The following SPNS2 variants were observed in gnomAD, a reference collection of about 807,000 sequenced individuals.
The protein encoded by SPNS2 is SPNS lysolipid transporter 2, sphingosine-1-phosphate.
Under a neutral mutation model 57.6 loss-of-function variants are expected in SPNS2, and 37 were observed. The observed-to-expected ratio is 0.64, with a 90% CI of 0.49 to 0.85. The LOEUF is 0.85. SPNS2 is among the 40% of genes least tolerant of loss of function. SPNS2 has a pLI of 0.00. For missense variants in SPNS2, 831 were observed against 779.1 expected (o/e 1.07, Z -0.79); for synonymous variants, 440 against 346.9 (o/e 1.27, Z -2.98).
intron 9 of SPNS2, among the ~76,000 whole-genome samples, chr17:4,535,136 C>T (rs1008297065): frequency 6.6e-6 from 1 of 152,198 alleles, no homozygotes; most frequent in Non-Finnish European, 1.5e-5. Context: ...GCTGCCTGGG[C>T]ACCCACAGAG....
chr17:4,537,923 G>C lies in SPNS2; in HGVS notation c.*475G>C, dbSNP rs147050638. 1 of 396,594 alleles carries C rather than the reference G, an allele frequency of 2.5e-6. No homozygotes were observed. Among genetic ancestry groups the C allele is most frequent in the African/African-American group, 2.1e-5 (1 of 48,264 alleles). The allele number at this position is 396,594 out of a possible 1,614,324, so 24.6% of individuals were successfully genotyped here. A position where few individuals can be genotyped will look rare whatever the true frequency, so the allele number is the denominator to read the frequency against. ...GAGCAGGTGGCCCAGGCCTCAGGGC[G>C]GCAGTCCCGGCTTTGAGGCTCACGC... is the stretch of plus-strand genomic sequence containing the variant. On this transcript the variant is annotated 3_prime_UTR_variant, in exon 13 of 13. Coordinates refer to ENST00000329078, the MANE Select transcript of SPNS2 (RefSeq NM_001124758.3).
At chr17:4,532,315 A>C (rs1328836284) in intron 5 of SPNS2, among the ~76,000 whole-genome samples, 6 of 148,474 alleles carry the variant, frequency 4.0e-5, no homozygotes, top group Admixed American at 3.3e-4. Flanking sequence ...GCACCTTCCC[A>C]CCTCTGGTCC....
At chr17:4,532,816 C>A (rs921182264) in intron 6 of SPNS2, 132 bp downstream of exon 6, 2 of 1,445,684 alleles carry the variant, frequency 1.4e-6, no homozygotes, top group Admixed American at 2.1e-5. Context: ...CTGGGAGGGA[C>A]ATTTTGGCCC....
chr17:4,521,812 T>C (rs1233731837), intron 2 of SPNS2, among the ~76,000 whole-genome samples: 2 of 152,356 alleles, frequency 1.3e-5, no homozygotes, highest in Non-Finnish European at 2.9e-5. Flanking sequence ...CACTGGACAA[T>C]GGCGTGTCCC....
intron 10 of SPNS2, 24 bp from the exon 11 acceptor site, chr17:4,536,239 A>G (rs1905790675): frequency 6.2e-7 from 1 of 1,609,648 alleles, no homozygotes. Context: ...CTCTGCCCTG[A>G]CATCCACCCC....
At position 4,499,705 on chromosome 17, in the gene SPNS2, GTCC is replaced by G. The variant is rs1904407865; in HGVS notation, c.370+294_370+296del. 1.0e-5 allele frequency: 3 copies of G among 298,546 alleles called. No individual in the cohort carries two copies. The highest frequency in any genetic ancestry group is 1.9e-5 in the Non-Finnish European group (3 of 161,588). 18.5% of individuals were successfully genotyped at this position (298,546 alleles called of 1,614,324 possible). Reference sequence around the variant, plus strand: ...TCCAGCCCTTGACGGCCCATCCGTTGTCCTCCTCTCCAAGAGTCTCCTCTGCGT... The same window carrying G: ...TCCAGCCCTTGACGGCCCATCCGTTGTCCTCTCCAAGAGTCTCCTCTGCGT... On this transcript the variant is annotated intron_variant, in intron 1 of 12. Transcript: ENST00000329078. This position sits in a 1 kb window ranked among gnomAD's most constrained non-coding sequence, Gnocchi z 5.2.
In SPNS2 at chr17:4,536,678, C is replaced by A. The variant is rs1905830044; in HGVS notation, c.1608-222C>A. The A allele has an allele frequency of 9.3e-6, 6 of 642,662 alleles. No individual in the cohort carries two copies. In the South Asian group the frequency reaches 9.6e-5, roughly 10 times the overall value. 39.8% of individuals were successfully genotyped at this position (642,662 alleles called of 1,614,324 possible). On this transcript the variant is annotated intron_variant, in intron 11 of 12. Transcript: ENST00000329078. ...GACTTAGTGGTTTTCAAAGCTGGGGCCCCTCCCCTTCCTCTTACTTTCTGA... is the reference window on the plus strand; with the variant it reads ...GACTTAGTGGTTTTCAAAGCTGGGGACCCTCCCCTTCCTCTTACTTTCTGA...
At chr17:4,533,937 G>A (rs1177254141) in intron 9 of SPNS2, 84 bp downstream of exon 9, 2 of 1,151,428 alleles carry the variant, frequency 1.7e-6, no homozygotes, top group African/African-American at 1.5e-5. Context: ...GGCGGGTGAA[G>A]GGGCGGGAGA....
At chr17:4,503,389 C>A (rs749740) in intron 1 of SPNS2, among the ~76,000 whole-genome samples, 1 of 152,216 alleles carries the variant, frequency 6.6e-6, no homozygotes. Context: ...GCCACCCACT[C>A]TGCATTCTGA....
chr17:4,530,716 G>C lies in SPNS2; in HGVS notation c.658G>C (p.Asp220His), dbSNP rs1414423921. ...YSTIAPTIIG[D>H]LFTKNTRTLM... Reference sequence around the variant, plus strand: ...CACCATCGCCCCCACTATCATTGGCGACCTCTTCACCAAGAACACGCGTAC... The same window carrying C: ...CACCATCGCCCCCACTATCATTGGCCACCTCTTCACCAAGAACACGCGTAC... Residue 220 changes from aspartate (D) to histidine (H), a missense_variant, in exon 4 of 13, where the codon GAC (aspartate) becomes CAC (histidine). This residue lies in a region of SPNS2 where 305 missense variants were observed against 378.3 expected (regional missense o/e 0.81). Transcript: ENST00000329078. The C allele has an allele frequency of 6.2e-7, 1 of 1,614,050 alleles. No homozygotes were observed.
At chr17:4,531,574 C>T (rs963131225) in intron 5 of SPNS2, among the ~76,000 whole-genome samples, 5 of 151,922 alleles carry the variant, frequency 3.3e-5, no homozygotes, top group East Asian at 1.9e-4. Context: ...CCCAGGACAG[C>T]GCAATCGGAG....
intron 8 of SPNS2, 129 bp downstream of exon 8, chr17:4,533,561 C>A: frequency 9.0e-7 from 1 of 1,110,768 alleles, no homozygotes; most frequent in Non-Finnish European, 1.3e-6. Flanking sequence ...CTCTGGCTGC[C>A]CCTGCTCATC....
rs1370710335 is a variant in SPNS2, at chr17:4,511,944, C to T, written c.371-1303C>T. On this transcript the variant is annotated intron_variant, in intron 1 of 12. Transcript: ENST00000329078. The surrounding 1 kb of genome is among the most constrained non-coding windows in gnomAD (Gnocchi z 4.6). The stretch of plus-strand genomic sequence containing the variant: ...CAGCACCTGGAGATTCCACTTTTTC[C>T]TACTTCCCTGTGGTGTGACTTTGAG... 6.6e-6 allele frequency among the ~76,000 whole-genome samples: 1 copy of T among 152,192 alleles called. No individual in the cohort carries two copies. Among genetic ancestry groups the T allele is most frequent in the Non-Finnish European group, 1.5e-5 (1 of 68,028 alleles).
chr17:4,538,855 G>T lies in SPNS2; in HGVS notation c.*1407G>T, dbSNP rs1906039869. On this transcript the variant is annotated 3_prime_UTR_variant, in exon 13 of 13. Coordinates refer to ENST00000329078, the MANE Select transcript of SPNS2 (RefSeq NM_001124758.3). ...AGCCTCCACCCCCACTCCAGCCTCA[G>T]CGGGGCCCCAGCGATGTTTTCTTGT... 1 of 780,312 alleles carries T rather than the reference G, an allele frequency of 1.3e-6. No individual in the cohort carries two copies. The highest frequency in any genetic ancestry group is 1.7e-5 in the African/African-American group (1 of 59,204). 48.3% of individuals were successfully genotyped at this position (780,312 alleles called of 1,614,324 possible). A position where few individuals can be genotyped will look rare whatever the true frequency, so the allele number is the denominator to read the frequency against.
chr17:4,509,160 G>A (rs186661021), intron 1 of SPNS2, among the ~76,000 whole-genome samples: 1 of 152,340 alleles, frequency 6.6e-6, no homozygotes, highest in East Asian at 1.9e-4. Flanking sequence ...GGTGAGCTGA[G>A]GAATCAGTCA....
intron 3 of SPNS2, among the ~76,000 whole-genome samples, chr17:4,525,990 TGAAG>T (rs1905255177): frequency 2.0e-5 from 3 of 152,130 alleles, no homozygotes; most frequent in Admixed American, 6.6e-5. Flanking sequence ...TAGAGAAAGA[TGAAG>T]GAAGAAGGGG....
chr17:4,536,928 T>C lies in SPNS2; in HGVS notation c.1636T>C (p.Ser546Pro), dbSNP rs375111474. ...GAACCAGCTGGCGATGCCGCCCGCA[T>C]CTGTGAAAGTCTGAGGTGGTGAGTG... ...QVNQLAMPPA[S>P]VKV Residue 546 changes from serine (S) to proline (P), a missense_variant, in exon 12 of 13, where the codon TCT (serine) becomes CCT (proline). Physicochemically the swap from Ser to Pro is moderately conservative, Grantham distance 74. Around this residue, in one of 2 missense-constraint regions of SPNS2, gnomAD observed 526 missense variants for 400.9 expected, o/e 1.31. Transcript: ENST00000329078. 1.1e-5 allele frequency: 17 copies of C among 1,613,682 alleles called. No homozygotes were observed. Among genetic ancestry groups the C allele is most frequent in the Non-Finnish European group, 1.4e-5 (16 of 1,179,826 alleles).
chr17:4,530,547 A>AG (rs1483142301), intron 3 of SPNS2, 85 bp from the exon 4 acceptor site: 1 of 1,502,466 alleles, frequency 6.7e-7, no homozygotes, highest in Non-Finnish European at 9.1e-7. Flanking sequence ...TGGGCCCTGC[A>AG]GGGGGAGGGA....
chr17:4,535,960 G>A (rs1024828075), intron 9 of SPNS2, 116 bp from the exon 10 acceptor site: 113 of 792,300 alleles, frequency 1.4e-4, no homozygotes, highest in African/African-American at 5.2e-4. Flanking sequence ...GTGTCAAGAC[G>A]TAGGGCAGGA....
Sources: allele counts gnomAD v4.1 joint callset (sites outside exome capture counted in the v4.1 genomes callset), GRCh38; gene constraint gnomAD v4.1.1; regional missense constraint gnomAD v4.1.1; non-coding constraint Gnocchi (gnomAD v3.1); transcripts MANE v1.5; gene names NCBI Gene and HGNC (gene_info 2026-07-23, HGNC 2026-07-21).